Variants in DLGAP2 observed in about 807,000 individuals in gnomAD.
The protein encoded by DLGAP2 is disks large-associated protein 2.
DLGAP2 carries 26 observed loss-of-function variants against 100.3 expected under a neutral mutation model. The observed-to-expected ratio is 0.26, with a 90% confidence interval of 0.19 to 0.36. The LOEUF (loss-of-function observed/expected upper bound fraction) is 0.36, where lower values mean the gene tolerates loss of function less well. DLGAP2 is among the 10% of genes least tolerant of loss of function. The pLI is 1.00. For missense variants in DLGAP2, 1,858 were observed against 1,453.2 expected, an observed-to-expected ratio of 1.28 and a Z score of -4.53; for synonymous variants, 886 against 630.1, an observed-to-expected ratio of 1.41 and a Z score of -6.08.
chr8:1,470,661 C>G (rs1025452430), intron 3 of DLGAP2, among the ~76,000 whole-genome samples: 1 of 152,118 alleles, frequency 6.6e-6, no homozygotes, highest in Non-Finnish European at 1.5e-5. Flanking sequence ...TCTCTCGGCA[C>G]AATCCTACCA....
chr8:1,260,811 G>A (rs575817290), intron 3 of DLGAP2, among the ~76,000 whole-genome samples: 17 of 152,332 alleles, frequency 1.1e-4, no homozygotes, highest in Middle Eastern at 3.4e-3. Flanking sequence ...GACTTGAGGC[G>A]ACTGTAGTCG....
intron 1 of DLGAP2, among the ~76,000 whole-genome samples, chr8:886,152 A>C (rs1293515528): frequency 2.0e-5 from 3 of 152,166 alleles, no homozygotes; most frequent in Non-Finnish European, 4.4e-5. Flanking sequence ...CCAGGAATCT[A>C]TCCAGTTATT....
At chr8:837,372 A>C (rs1427961557) in intron 1 of DLGAP2, among the ~76,000 whole-genome samples, 1 of 152,222 alleles carries the variant, frequency 6.6e-6, no homozygotes, top group Non-Finnish European at 1.5e-5. Flanking sequence ...ACTCATAATA[A>C]ATGTTTCATT....
At chr8:1,283,335 A>T (rs565811133) in intron 3 of DLGAP2, among the ~76,000 whole-genome samples, 3 of 152,352 alleles carry the variant, frequency 2.0e-5, no homozygotes, top group South Asian at 4.1e-4. Context: ...ATCTGAACCC[A>T]GCGCCCTGGA....
At chr8:1,482,269 C>T (rs1799119260) in intron 3 of DLGAP2, among the ~76,000 whole-genome samples, 1 of 152,112 alleles carries the variant, frequency 6.6e-6, no homozygotes, top group South Asian at 2.1e-4. Context: ...CGTGGAAAGC[C>T]GTTTGATCTG....
rs1410579011 is a variant in DLGAP2 at position 868,157 on chromosome 8, A to G, written c.19-39755A>G. On this transcript the variant is annotated intron_variant, in intron 1 of 14. Transcript: ENST00000637795. The stretch of plus-strand genomic sequence containing the variant: ...ATATTTAAGGAGTGTAATTAACCCT[A>G]TGGATACAGTGAGTAAAGGGTTTAT... Among the ~76,000 whole-genome samples, 3 of 152,232 alleles carry G rather than the reference A, an allele frequency of 2.0e-5. No homozygotes were observed. The East Asian group carries it at 5.8e-4, about 29-fold the overall frequency.
At chr8:751,774 A>G (rs1056160071) in intron 1 of DLGAP2, among the ~76,000 whole-genome samples, 1 of 152,104 alleles carries the variant, frequency 6.6e-6, no homozygotes, top group Admixed American at 6.5e-5. Flanking sequence ...AAGTCCTTAT[A>G]GTAAGTTCAT....
At chr8:1,207,191 T>C (rs1798014725) in intron 2 of DLGAP2, among the ~76,000 whole-genome samples, 1 of 152,232 alleles carries the variant, frequency 6.6e-6, no homozygotes, top group South Asian at 2.1e-4. Context: ...ACGCAAGCCA[T>C]GTACACTGTA....
intron 2 of DLGAP2, among the ~76,000 whole-genome samples, chr8:1,103,537 G>T (rs74531441): frequency 5.6e-5 from 3 of 53,130 alleles, no homozygotes; most frequent in Non-Finnish European, 9.0e-5. Flanking sequence ...GATGACTGGC[G>T]GGGCCTTGGT....
chr8:1,118,327 A>C (rs1306022019), intron 2 of DLGAP2, among the ~76,000 whole-genome samples: 1 of 152,154 alleles, frequency 6.6e-6, no homozygotes, highest in Non-Finnish European at 1.5e-5. Flanking sequence ...GTGAGCAGAG[A>C]CTGAGAAACT....
chr8:1,533,436 G>T lies in DLGAP2; in HGVS notation c.173-15190G>T, dbSNP rs140991823. 1.5e-3 allele frequency among the ~76,000 whole-genome samples: 224 copies of T among 152,038 alleles called. 2 individuals carry two copies. Among genetic ancestry groups the T allele is most frequent in the East Asian group, 0.012 (61 of 5,148 alleles). On this transcript the variant is annotated intron_variant, in intron 4 of 14. Transcript: ENST00000637795. Reference sequence around the variant, plus strand: ...CAGGAGAATGGTGTGAACCTGGGAGGCAGAGTTTGCAGTGAGCCGAGATCG... The same window carrying T: ...CAGGAGAATGGTGTGAACCTGGGAGTCAGAGTTTGCAGTGAGCCGAGATCG...
chr8:1,110,606 A>T (rs577342765), intron 2 of DLGAP2, among the ~76,000 whole-genome samples: 1 of 152,188 alleles, frequency 6.6e-6, no homozygotes, highest in South Asian at 2.1e-4. Context: ...TGCATCTGGC[A>T]TGTGAGAGAT....
intron 1 of DLGAP2, among the ~76,000 whole-genome samples, chr8:876,793 T>C (rs1232034402): frequency 1.3e-5 from 2 of 152,218 alleles, no homozygotes; most frequent in Admixed American, 6.5e-5. Context: ...AGGTGCCCTA[T>C]GCTTCTGAGC....
intron 2 of DLGAP2, among the ~76,000 whole-genome samples, chr8:1,202,584 G>A (rs1168438859): frequency 6.6e-6 from 1 of 152,150 alleles, no homozygotes; most frequent in Admixed American, 6.5e-5. Flanking sequence ...TGGGAGGTGT[G>A]GAGACACCAC....
chr8:756,180 C>T lies in DLGAP2; in HGVS notation c.18+18355C>T, dbSNP rs149632590. On this transcript the variant is annotated intron_variant, in intron 1 of 14. Coordinates refer to ENST00000637795, the MANE Select transcript of DLGAP2 (RefSeq NM_001346810.2). ...TGTGAGGATGAGCGGGTTGGGGCCA[C>T]GAGTGTCTGGGAGGAGCTGGCGTCT... Among the ~76,000 whole-genome samples, 439 of 151,898 alleles carry T rather than the reference C, an allele frequency of 2.9e-3. 6 individuals carry two copies. Among genetic ancestry groups the T allele is most frequent in the Non-Finnish European group, 3.9e-3 (266 of 67,966 alleles).
chr8:1,524,184 G>A (rs1227147197), intron 4 of DLGAP2, among the ~76,000 whole-genome samples: 1 of 152,172 alleles, frequency 6.6e-6, no homozygotes, highest in Non-Finnish European at 1.5e-5. Flanking sequence ...TCTTCAGGGT[G>A]TGCGTCGGGG....
chr8:1,319,583 T>C (rs1337949414), intron 3 of DLGAP2, among the ~76,000 whole-genome samples: 1 of 152,180 alleles, frequency 6.6e-6, no homozygotes, highest in Non-Finnish European at 1.5e-5. Context: ...TGTATTCTCC[T>C]AGGAAGGTAG....
chr8:1,267,840 A>T (rs116544652), intron 3 of DLGAP2, among the ~76,000 whole-genome samples: 491 of 152,178 alleles, frequency 3.2e-3, no homozygotes, highest in African/African-American at 0.011. Context: ...AATTCTGAGC[A>T]TGGGAACTGG....
chr8:1,191,384 A>G (rs943006358), intron 2 of DLGAP2, among the ~76,000 whole-genome samples: 14 of 151,978 alleles, frequency 9.2e-5, no homozygotes, highest in African/African-American at 1.9e-4. Context: ...GTTAGCCAGG[A>G]TGGTCTTGAT....
Sources: allele counts gnomAD v4.1 joint callset (sites outside exome capture counted in the v4.1 genomes callset), GRCh38; gene constraint gnomAD v4.1.1; transcripts MANE v1.5; gene names NCBI Gene and HGNC (gene_info 2026-07-23, HGNC 2026-07-21).